Variants in CSMD3 observed in about 807,000 individuals in gnomAD.
CSMD3 encodes CUB and Sushi multiple domains 3.
CSMD3 carries 177 observed loss-of-function variants against 435.2 expected under a neutral mutation model. The observed-to-expected ratio is 0.41, with a 90% CI of 0.36 to 0.46. The LOEUF is 0.46. Among genes scored for constraint, CSMD3 ranks in the 20% least tolerant of loss-of-function variants. The pLI, the probability that CSMD3 is intolerant of heterozygous loss-of-function variation, is 0.34. For missense variants in CSMD3, 4,265 were observed against 4,504.6 expected (o/e 0.95, Z 1.52); for synonymous variants, 1,656 against 1,520.5 (o/e 1.09, Z -2.07).
At chr8:113,228,828 C>T (rs983457408) in intron 3 of CSMD3, among the ~76,000 whole-genome samples, 4 of 151,584 alleles carry the variant, frequency 2.6e-5, no homozygotes, top group African/African-American at 9.7e-5. Context: ...AGGTAAATTA[C>T]TTGATACTTG....
chr8:113,320,386 T>C (rs985656855), intron 1 of CSMD3, among the ~76,000 whole-genome samples: 1 of 152,110 alleles, frequency 6.6e-6, no homozygotes, highest in African/African-American at 2.4e-5. Context: ...TCAAAAAACA[T>C]CATGCCCATA....
At chr8:113,092,468 A>C (rs1035082823) in intron 5 of CSMD3, among the ~76,000 whole-genome samples, 1 of 152,088 alleles carries the variant, frequency 6.6e-6, no homozygotes, top group Non-Finnish European at 1.5e-5. Flanking sequence ...TTAGCTGGGC[A>C]ATAACTAGCT....
At chr8:112,984,508 T>A (rs2085174972) in intron 6 of CSMD3, among the ~76,000 whole-genome samples, 1 of 152,114 alleles carries the variant, frequency 6.6e-6, no homozygotes, top group Non-Finnish European at 1.5e-5. Flanking sequence ...CAACTGTCTT[T>A]GACTCTTTCT....
intron 24 of CSMD3, among the ~76,000 whole-genome samples, chr8:112,558,502 C>T (rs372387106): frequency 1.3e-5 from 2 of 151,762 alleles, no homozygotes; most frequent in Admixed American, 6.6e-5. Flanking sequence ...ACAGTTTTTA[C>T]GGGTTCTTTG....
At chr8:112,625,022 G>C (rs1834364578) in intron 22 of CSMD3, among the ~76,000 whole-genome samples, 1 of 151,908 alleles carries the variant, frequency 6.6e-6, no homozygotes, top group Non-Finnish European at 1.5e-5. Flanking sequence ...TATGTTGCAG[G>C]GGAGGGGATT....
At position 112,403,405 on chromosome 8, in the gene CSMD3, C is replaced by T. The variant is rs532925743; in HGVS notation, c.5809+3119G>A. Among the ~76,000 whole-genome samples, 3 of 152,262 alleles carry T rather than the reference C, an allele frequency of 2.0e-5. No homozygotes were observed. In the East Asian group the frequency reaches 5.8e-4, roughly 29 times the overall value. On this transcript the variant is annotated intron_variant, in intron 35 of 70. Transcript: ENST00000297405. Reference sequence around the variant, plus strand: ...TTGCAACAAATATGTATTTAAATTACTTAGCATGGAATCGGGCTCTTTTAG... The same window carrying T: ...TTGCAACAAATATGTATTTAAATTATTTAGCATGGAATCGGGCTCTTTTAG...
At chr8:112,978,623 GA>G (rs377212100) in intron 6 of CSMD3, among the ~76,000 whole-genome samples, 1 of 151,926 alleles carries the variant, frequency 6.6e-6, no homozygotes, top group African/African-American at 2.4e-5. Flanking sequence ...CTAAATTTGG[GA>G]CAGTGTTTAA....
intron 8 of CSMD3, among the ~76,000 whole-genome samples, chr8:112,954,326 A>G (rs1012778968): frequency 1.3e-5 from 2 of 151,678 alleles, no homozygotes; most frequent in South Asian, 4.1e-4. Context: ...GATATAGTCA[A>G]TCAAGAATTC....
chr8:112,982,348 T>A (rs1343939515), intron 6 of CSMD3, among the ~76,000 whole-genome samples: 2 of 151,880 alleles, frequency 1.3e-5, no homozygotes, highest in Non-Finnish European at 2.9e-5. Flanking sequence ...AAAAGAAGAA[T>A]CATGGCATCA....
At chr8:112,781,127 C>A (rs1336835888) in intron 13 of CSMD3, among the ~76,000 whole-genome samples, 3 of 151,774 alleles carry the variant, frequency 2.0e-5, no homozygotes, top group Non-Finnish European at 4.4e-5. Flanking sequence ...AATAAATCAA[C>A]AAGCAGACTC....
At position 112,247,136 on chromosome 8, in the gene CSMD3, A is replaced by C. The variant is rs981655078; in HGVS notation, c.10111-5T>G. 1 of 1,583,556 alleles carries C rather than the reference A, an allele frequency of 6.3e-7. No individual in the cohort carries two copies. Among genetic ancestry groups the C allele is most frequent in the Admixed American group, 1.7e-5 (1 of 59,880 alleles). The stretch of plus-strand genomic sequence containing the variant: ...GAACTGTACAACACTTCCTACCTAT[A>C]GCAAATTAAAGAGAGGAAAAAAATA... On this transcript the variant is annotated splice_polypyrimidine_tract_variant and splice_region_variant and intron_variant, in intron 63 of 70. Transcript: ENST00000297405.
chr8:113,362,712 G>T (rs2094285405), intron 1 of CSMD3, among the ~76,000 whole-genome samples: 1 of 152,164 alleles, frequency 6.6e-6, no homozygotes, highest in Non-Finnish European at 1.5e-5. Context: ...AGTGGTAAAA[G>T]ATAACTGTCC....
chr8:112,531,190 A>G lies in CSMD3; in HGVS notation c.4565-13965T>C, dbSNP rs375007910. On this transcript the variant is annotated intron_variant, in intron 27 of 70. Coordinates refer to ENST00000297405, the MANE Select transcript of CSMD3 (RefSeq NM_198123.2). Reference sequence around the variant, plus strand: ...GTACAGTGCCACCACAGCACAACACAGCATGCGGCAGATCCCCAAAGCCCC... The same window carrying G: ...GTACAGTGCCACCACAGCACAACACGGCATGCGGCAGATCCCCAAAGCCCC... Among the ~76,000 whole-genome samples, 10 of 152,226 alleles carry G rather than the reference A, an allele frequency of 6.6e-5. No homozygotes were observed. In the East Asian group the frequency reaches 1.6e-3, roughly 24 times the overall value.
intron 32 of CSMD3, among the ~76,000 whole-genome samples, chr8:112,442,230 C>T (rs62516467): frequency 0.2 from 30,853 of 151,978 alleles, 3,816 homozygotes; most frequent in East Asian, 0.39. Flanking sequence ...GAGGAGGGCA[C>T]CAAGACTTTC....
At chr8:112,716,003 GA>G (rs1306711281) in intron 13 of CSMD3, among the ~76,000 whole-genome samples, 1 of 152,130 alleles carries the variant, frequency 6.6e-6, no homozygotes, top group African/African-American at 2.4e-5. Context: ...CATTCCCTTT[GA>G]AAACTGGCAC....
In CSMD3 at chr8:112,244,852, A is replaced by T. The variant is rs577929080; in HGVS notation, c.10223-279T>A. 3.3e-5 allele frequency among the ~76,000 whole-genome samples: 5 copies of T among 152,186 alleles called. No homozygotes were observed. The South Asian group carries it at 1.0e-3, about 32-fold the overall frequency. ...AGACATTGTCAACAACTAAGCTCAG[A>T]AATGTATGCTTTACCATTTTAGAGA... On this transcript the variant is annotated intron_variant, in intron 64 of 70. Transcript: ENST00000297405.
chr8:113,077,558 C>T (rs1042484839), intron 5 of CSMD3, among the ~76,000 whole-genome samples: 7 of 151,848 alleles, frequency 4.6e-5, no homozygotes, highest in Non-Finnish European at 8.8e-5. Flanking sequence ...AAAGATTAGC[C>T]GGGTGTGGTG....
chr8:113,063,022 A>G (rs1361334524), intron 5 of CSMD3, among the ~76,000 whole-genome samples: 1 of 151,756 alleles, frequency 6.6e-6, no homozygotes, highest in East Asian at 1.9e-4. Flanking sequence ...GTTAATTTGC[A>G]TCATATTTTG....
chr8:112,666,757 G>T (rs906237454), intron 16 of CSMD3, among the ~76,000 whole-genome samples: 1 of 151,916 alleles, frequency 6.6e-6, no homozygotes, highest in African/African-American at 2.4e-5. Flanking sequence ...TGTTAGCTTT[G>T]GTTTCTTTCT....
Sources: allele counts gnomAD v4.1 joint callset (sites outside exome capture counted in the v4.1 genomes callset), GRCh38; gene constraint gnomAD v4.1.1; transcripts MANE v1.5; gene names NCBI Gene and HGNC (gene_info 2026-07-23, HGNC 2026-07-21).